BCKDHB: variants seen among roughly 807,000 people sequenced by gnomAD.
The protein encoded by BCKDHB is 2-oxoisovalerate dehydrogenase subunit beta, mitochondrial.
A neutral mutation model predicts 48.5 loss-of-function variants in BCKDHB; 41 were observed. That is an observed-to-expected ratio of 0.85 (90% CI 0.66 to 1.10). BCKDHB has a LOEUF of 1.10. Among genes scored for constraint, BCKDHB ranks in the 50% least tolerant of loss-of-function variants. The pLI is 0.00. For synonymous variants in BCKDHB, 201 were observed against 174.8 expected, an observed-to-expected ratio of 1.15 and a Z score of -1.18; for missense variants, 496 against 494.2, an observed-to-expected ratio of 1.00 and a Z score of -0.03.
chr6:80,466,213 T>C, the BCKDHB span, among the ~76,000 whole-genome samples: 1 of 152,170 alleles, frequency 6.6e-6, no homozygotes, highest in East Asian at 1.9e-4. Flanking sequence ...CATCTTTAGG[T>C]ATATTATATG....
At chr6:80,432,781 C>A in the BCKDHB span, among the ~76,000 whole-genome samples, 2 of 152,114 alleles carry the variant, frequency 1.3e-5, no homozygotes, top group Non-Finnish European at 2.9e-5. Context: ...GAATTTTTAG[C>A]CATTTTGCTC....
At chr6:80,230,184 G>A (rs1468424111) in intron 8 of BCKDHB, among the ~76,000 whole-genome samples, 3 of 150,182 alleles carry the variant, frequency 2.0e-5, no homozygotes, top group African/African-American at 4.9e-5. Context: ...GATTACAGGC[G>A]CCCACCACCA....
At chr6:80,409,176 T>C in the BCKDHB span, among the ~76,000 whole-genome samples, 1 of 151,536 alleles carries the variant, frequency 6.6e-6, no homozygotes. Context: ...CATGTAGTTG[T>C]AGTTGTGTGG....
the BCKDHB span, among the ~76,000 whole-genome samples, chr6:80,418,595 C>A: frequency 6.6e-6 from 1 of 152,172 alleles, no homozygotes; most frequent in African/African-American, 2.4e-5. Context: ...TGTGCTCTAA[C>A]TCTGTGTTCT....
At chr6:80,137,811 T>C (rs971915575) in intron 3 of BCKDHB, among the ~76,000 whole-genome samples, 4 of 152,064 alleles carry the variant, frequency 2.6e-5, no homozygotes, top group East Asian at 1.9e-4. Context: ...TGGCTGGGCA[T>C]GATGGCTTAC....
chr6:80,369,814 C>T, the BCKDHB span, among the ~76,000 whole-genome samples: 1 of 152,168 alleles, frequency 6.6e-6, no homozygotes, highest in Non-Finnish European at 1.5e-5. Context: ...CAGTATCAAC[C>T]TTTCCATTCA....
intron 1 of BCKDHB, 94 bp downstream of exon 1, chr6:80,106,983 C>A: frequency 6.9e-7 from 1 of 1,442,398 alleles, no homozygotes; most frequent in Non-Finnish European, 9.5e-7. Flanking sequence ...GGCTGCAATC[C>A]TTGCATCCCA....
chr6:80,354,426 AC>A, the BCKDHB span, among the ~76,000 whole-genome samples: 1 of 152,056 alleles, frequency 6.6e-6, no homozygotes, highest in Non-Finnish European at 1.5e-5. Context: ...ACGGGGTTTC[AC>A]TGTGTTGCCC....
At chr6:80,414,119 A>G in the BCKDHB span, among the ~76,000 whole-genome samples, 781 of 152,084 alleles carry the variant, frequency 5.1e-3, 5 homozygotes, top group African/African-American at 0.017. Context: ...GTGTCTGTGT[A>G]TAATATTTGC....
chr6:80,446,055 T>C, the BCKDHB span, among the ~76,000 whole-genome samples: 1 of 152,178 alleles, frequency 6.6e-6, no homozygotes, highest in African/African-American at 2.4e-5. Context: ...TGAGATTTGT[T>C]TGGAAAAATG....
chr6:80,387,622 T>A, the BCKDHB span, among the ~76,000 whole-genome samples: 188 of 152,340 alleles, frequency 1.2e-3, no homozygotes, highest in African/African-American at 4.4e-3. Flanking sequence ...ACATATCCCC[T>A]GTTACCTGGT....
chr6:80,214,675 G>A (rs1011149934), intron 8 of BCKDHB, among the ~76,000 whole-genome samples: 1 of 152,122 alleles, frequency 6.6e-6, no homozygotes, highest in African/African-American at 2.4e-5. Flanking sequence ...GCGGGGCCTG[G>A]CTCTGCCATT....
intron 3 of BCKDHB, among the ~76,000 whole-genome samples, chr6:80,153,668 T>C (rs537591013): frequency 2.0e-4 from 30 of 152,328 alleles, no homozygotes; most frequent in Non-Finnish European, 3.7e-4. Flanking sequence ...ACTATCCTGA[T>C]AATAGCATTA....
At chr6:80,141,674 G>A (rs980175071) in intron 3 of BCKDHB, among the ~76,000 whole-genome samples, 11 of 152,054 alleles carry the variant, frequency 7.2e-5, no homozygotes, top group African/African-American at 1.4e-4. Context: ...GGAAAAATGG[G>A]ATTATAGATA....
the BCKDHB span, among the ~76,000 whole-genome samples, chr6:80,438,260 C>T: frequency 6.6e-6 from 1 of 152,224 alleles, no homozygotes; most frequent in African/African-American, 2.4e-5. Flanking sequence ...GTTCTTACTA[C>T]ATCCTAGTTA....
chr6:80,149,077 A>C (rs1262096864), intron 3 of BCKDHB, among the ~76,000 whole-genome samples: 1 of 152,218 alleles, frequency 6.6e-6, no homozygotes, highest in Non-Finnish European at 1.5e-5. Flanking sequence ...CTCATCTGAC[A>C]AAGGGCTAAT....
the BCKDHB span, among the ~76,000 whole-genome samples, chr6:80,371,656 T>C: frequency 3.0e-4 from 46 of 152,322 alleles, no homozygotes; most frequent in African/African-American, 1.1e-3. Flanking sequence ...AGTTGATTTT[T>C]GTATAAGATG....
At chr6:80,416,454 A>T in the BCKDHB span, among the ~76,000 whole-genome samples, 5 of 151,934 alleles carry the variant, frequency 3.3e-5, no homozygotes, top group South Asian at 2.1e-4. Context: ...CTTTAGCTGC[A>T]TCCCAGAGAT....
chr6:80,451,274 T>G, the BCKDHB span, among the ~76,000 whole-genome samples: 1 of 152,150 alleles, frequency 6.6e-6, no homozygotes, highest in African/African-American at 2.4e-5. Flanking sequence ...GCGTATAGGC[T>G]CTTTTTAAAT....
Sources: gnomAD v4.1 joint callset for allele counts (sites outside exome capture counted in the v4.1 genomes callset) on GRCh38, gnomAD v4.1.1 for gene constraint, MANE v1.5 for transcripts, NCBI Gene and HGNC (gene_info 2026-07-23, HGNC 2026-07-21) for gene names.